Variants in GPR39 observed in about 807,000 individuals in gnomAD.
GPR39 encodes zinc sensing receptor.
A neutral mutation model predicts 18.4 loss-of-function variants in GPR39; 23 were observed. The ratio of observed to expected loss-of-function variants is 1.25; its 90% CI spans 0.90 to 1.77. GPR39 has a LOEUF of 1.77. Ranked by LOEUF, GPR39 falls within the 40% of genes most tolerant of loss-of-function variation. The pLI, the probability that GPR39 is intolerant of heterozygous loss-of-function variation, is 0.00. For missense variants in GPR39, 647 were observed against 602.4 expected (o/e 1.07, Z -0.78); for synonymous variants, 280 against 257.9 (o/e 1.09, Z -0.82).
At chr2:132,545,119 GGGACC>G in intron 1 of GPR39, among the ~76,000 whole-genome samples, 1 of 152,278 alleles carries the variant, frequency 6.6e-6, no homozygotes, top group African/African-American at 2.4e-5. Flanking sequence ...GGTTTCAGTG[GGGACC>G]CACCCCTATC....
intron 1 of GPR39, among the ~76,000 whole-genome samples, chr2:132,535,076 T>C (rs1477590980): frequency 6.6e-6 from 1 of 152,144 alleles, no homozygotes; most frequent in Non-Finnish European, 1.5e-5. Context: ...TTTCTTTCTC[T>C]TGCCTGATTG....
intron 1 of GPR39, among the ~76,000 whole-genome samples, chr2:132,584,408 C>T (rs565143517): frequency 3.3e-5 from 5 of 152,066 alleles, no homozygotes; most frequent in African/African-American, 4.8e-5. Flanking sequence ...TGCTAGCCAC[C>T]GAATATTCAG....
intron 1 of GPR39, among the ~76,000 whole-genome samples, chr2:132,457,459 G>C (rs761302903): frequency 6.6e-6 from 1 of 152,078 alleles, no homozygotes; most frequent in African/African-American, 2.4e-5. Context: ...TGTTATTACC[G>C]ACCTTCTGAA....
intron 1 of GPR39, among the ~76,000 whole-genome samples, chr2:132,517,064 A>T (rs928141699): frequency 1.3e-5 from 2 of 152,122 alleles, no homozygotes; most frequent in South Asian, 2.1e-4. Flanking sequence ...ATTTTTTTTT[A>T]AAAGCGGACA....
intron 1 of GPR39, among the ~76,000 whole-genome samples, chr2:132,544,804 G>C (rs1397713215): frequency 6.6e-6 from 1 of 152,188 alleles, no homozygotes; most frequent in South Asian, 2.1e-4. Flanking sequence ...ACCACCTGAA[G>C]TTGGGTGGTC....
chr2:132,446,359 C>T lies in GPR39; in HGVS notation c.856+28461C>T, dbSNP rs567063801. On this transcript the variant is annotated intron_variant, in intron 1 of 1. Coordinates refer to ENST00000329321, the MANE Select transcript of GPR39 (RefSeq NM_001508.3). ...TCTGGTGTAATGAGAAAGACAGACA[C>T]GCACATAAACCAGATGTTGCAATTC... Among the ~76,000 whole-genome samples, 35 of 152,292 alleles carry T rather than the reference C, an allele frequency of 2.3e-4. No individual in the cohort carries two copies. In the East Asian group the frequency reaches 6.4e-3, roughly 28 times the overall value.
chr2:132,416,979 G>C lies in GPR39; in HGVS notation c.-64G>C, dbSNP rs1023274425. The stretch of plus-strand genomic sequence containing the variant: ...GAGTTTGCAGCCAAGAATTTTGGAC[G>C]CTGCTGGGAGGAGAAAGGGAAGTTG... On this transcript the variant is annotated 5_prime_UTR_variant, in exon 1 of 2. Transcript: ENST00000329321. 1 of 1,555,506 alleles carries C rather than the reference G, an allele frequency of 6.4e-7. No individual in the cohort carries two copies. The highest frequency in any genetic ancestry group is 1.4e-5 in the African/African-American group (1 of 73,134).
At chr2:132,460,257 G>A (rs1322794650) in intron 1 of GPR39, among the ~76,000 whole-genome samples, 3 of 152,112 alleles carry the variant, frequency 2.0e-5, no homozygotes, top group Non-Finnish European at 4.4e-5. Context: ...ACTCATTTAA[G>A]GTCATACATC....
intron 1 of GPR39, among the ~76,000 whole-genome samples, chr2:132,435,333 G>C (rs772646763): frequency 6.6e-6 from 1 of 152,064 alleles, no homozygotes; most frequent in Non-Finnish European, 1.5e-5. Context: ...ACATGAAGAT[G>C]ATGAGGATGA....
At chr2:132,546,839 C>CA (rs60267293) in intron 1 of GPR39, among the ~76,000 whole-genome samples, 8,453 of 33,882 alleles carry the variant, frequency 0.25, 2,229 homozygotes, top group Middle Eastern at 0.32. Context: ...AGCTCCACAG[C>CA]AAAAAAAAAA....
At chr2:132,615,934 CTCT>C in intron 1 of GPR39, among the ~76,000 whole-genome samples, 1 of 109,594 alleles carries the variant, frequency 9.1e-6, no homozygotes, top group East Asian at 3.4e-4. Context: ...CCCATTCCAG[CTCT>C]TTTTTTTTTT....
intron 1 of GPR39, among the ~76,000 whole-genome samples, chr2:132,499,085 G>C (rs1681703686): frequency 6.6e-6 from 1 of 152,086 alleles, no homozygotes. Context: ...ATTTATCTTT[G>C]TTTTTGTTGT....
intron 1 of GPR39, among the ~76,000 whole-genome samples, chr2:132,630,352 A>G (rs998373851): frequency 2.0e-5 from 3 of 152,124 alleles, no homozygotes; most frequent in African/African-American, 7.2e-5. Flanking sequence ...GTTAACAAGG[A>G]GAGAAGAGAG....
chr2:132,501,537 T>C (rs1460019050), intron 1 of GPR39, among the ~76,000 whole-genome samples: 1 of 152,186 alleles, frequency 6.6e-6, no homozygotes, highest in Non-Finnish European at 1.5e-5. Context: ...TGCTAATGAA[T>C]AGAATATATA....
chr2:132,510,862 T>C (rs1001021658), intron 1 of GPR39, among the ~76,000 whole-genome samples: 2 of 152,222 alleles, frequency 1.3e-5, no homozygotes, highest in Admixed American at 6.5e-5. Flanking sequence ...ATTTATTTGC[T>C]TACTATCTGT....
intron 1 of GPR39, among the ~76,000 whole-genome samples, chr2:132,599,649 G>T (rs930088037): frequency 6.6e-6 from 1 of 151,378 alleles, no homozygotes; most frequent in African/African-American, 2.5e-5. Context: ...TATTGATAGG[G>T]AACAGAACTC....
intron 1 of GPR39, among the ~76,000 whole-genome samples, chr2:132,464,387 C>G (rs910988507): frequency 2.0e-5 from 3 of 152,172 alleles, no homozygotes; most frequent in Non-Finnish European, 4.4e-5. Flanking sequence ...ACTTGAATCT[C>G]AGGAGGATCC....
At chr2:132,464,862 C>G (rs1252013882) in intron 1 of GPR39, among the ~76,000 whole-genome samples, 1 of 152,168 alleles carries the variant, frequency 6.6e-6, no homozygotes, top group Non-Finnish European at 1.5e-5. Context: ...TGTTCTCTTA[C>G]ACGTTTTGTC....
At chr2:132,580,378 G>A (rs527567583) in intron 1 of GPR39, among the ~76,000 whole-genome samples, 2 of 152,286 alleles carry the variant, frequency 1.3e-5, no homozygotes, top group African/African-American at 4.8e-5. Flanking sequence ...ACTGTATTCT[G>A]TAAGTCACAG....
Sources: allele counts gnomAD v4.1 joint callset (sites outside exome capture counted in the v4.1 genomes callset), GRCh38; gene constraint gnomAD v4.1.1; transcripts MANE v1.5; gene names NCBI Gene and HGNC (gene_info 2026-07-23, HGNC 2026-07-21).